The following CSMD2 variants were observed in gnomAD, a reference collection of about 807,000 sequenced individuals.
CSMD2 encodes CUB and sushi domain-containing protein 2.
Under a neutral mutation model 398.5 loss-of-function variants are expected in CSMD2, and 130 were observed. That is an observed-to-expected ratio of 0.33 (90% CI 0.28 to 0.38). The LOEUF is 0.38. CSMD2 is among the 10% of genes least tolerant of loss of function. The pLI, the probability that CSMD2 is intolerant of heterozygous loss-of-function variation, is 1.00. For synonymous variants in CSMD2, 1,828 were observed against 1,908.5 expected, an observed-to-expected ratio of 0.96 and a Z score of 1.10; for missense variants, 3,829 against 4,764.9, an observed-to-expected ratio of 0.80 and a Z score of 5.78.
chr1:34,136,265 A>T (rs913668995), intron 1 of CSMD2, among the ~76,000 whole-genome samples: 25 of 152,350 alleles, frequency 1.6e-4, no homozygotes, highest in Admixed American at 1.5e-3. Context: ...CCTCACATCC[A>T]TTAAACAAGG....
intron 2 of CSMD2, among the ~76,000 whole-genome samples, chr1:34,076,928 A>AAATATATAT (rs1232288848): frequency 6.2e-4 from 33 of 53,596 alleles, no homozygotes; most frequent in Non-Finnish European, 9.2e-4. Flanking sequence ...AAAAAAAAAA[A>AAATATATAT]ATATATATAT....
At position 33,607,581 on chromosome 1, in the gene CSMD2, G is replaced by A. The variant is rs142860047; in HGVS notation, c.6344-2111C>T. On this transcript the variant is annotated intron_variant, in intron 41 of 70. Coordinates refer to ENST00000373381, the MANE Select transcript of CSMD2 (RefSeq NM_001281956.2). The stretch of plus-strand genomic sequence containing the variant: ...ATTTGGGCCTATCACAAATGATGAG[G>A]CCTCTGTGGGAATACTTAGGCCTCT... Among the ~76,000 whole-genome samples the A allele has an allele frequency of 7.9e-5, 12 of 152,352 alleles. No homozygotes were observed. In the East Asian group the frequency reaches 2.3e-3, roughly 29 times the overall value.
intron 4 of CSMD2, among the ~76,000 whole-genome samples, chr1:33,930,735 G>C (rs1163555232): frequency 6.6e-6 from 1 of 152,158 alleles, no homozygotes; most frequent in African/African-American, 2.4e-5. Flanking sequence ...CACCTCCCAG[G>C]GACCTCTGCT....
At chr1:33,690,246 G>A (rs1210174451) in intron 25 of CSMD2, among the ~76,000 whole-genome samples, 1 of 152,148 alleles carries the variant, frequency 6.6e-6, no homozygotes, top group South Asian at 2.1e-4. Flanking sequence ...ACCATTTCCA[G>A]CTCCTTGAGG....
At chr1:33,723,296 AC>A (rs1196198304) in intron 19 of CSMD2, among the ~76,000 whole-genome samples, 4 of 152,376 alleles carry the variant, frequency 2.6e-5, no homozygotes, top group South Asian at 2.1e-4. Flanking sequence ...TGTTCTGAAA[AC>A]ATAGATGCCT....
At chr1:33,803,845 G>A (rs1179471332) in intron 10 of CSMD2, among the ~76,000 whole-genome samples, 1 of 152,192 alleles carries the variant, frequency 6.6e-6, no homozygotes, top group African/African-American at 2.4e-5. Context: ...TATTGCTTTA[G>A]TTCAGGAGAT....
In CSMD2 at chr1:33,925,456, A is replaced by G. The variant is rs371719505; in HGVS notation, c.713-7155T>C. 1.8e-4 allele frequency among the ~76,000 whole-genome samples: 27 copies of G among 152,274 alleles called. 1 individual carries two copies. Among genetic ancestry groups the G allele is most frequent in the Admixed American group, 1.1e-3 (17 of 15,298 alleles). On this transcript the variant is annotated intron_variant, in intron 4 of 70. Coordinates refer to ENST00000373381, the MANE Select transcript of CSMD2 (RefSeq NM_001281956.2). Reference sequence around the variant, plus strand: ...GTTTTGGTTATTATAGCCTTGTAATATATTTTGAAGCCAGGTAGAATGATG... The same window carrying G: ...GTTTTGGTTATTATAGCCTTGTAATGTATTTTGAAGCCAGGTAGAATGATG...
intron 3 of CSMD2, among the ~76,000 whole-genome samples, chr1:33,948,464 T>C (rs1570598245): frequency 6.6e-6 from 1 of 152,178 alleles, no homozygotes; most frequent in African/African-American, 2.4e-5. Flanking sequence ...CATGCACACA[T>C]GTACATTCTC....
intron 10 of CSMD2, among the ~76,000 whole-genome samples, chr1:33,799,440 G>C (rs958220979): frequency 2.2e-4 from 33 of 152,170 alleles, no homozygotes; most frequent in African/African-American, 7.7e-4. Context: ...AACCAAAACA[G>C]CTCCATTTTG....
intron 13 of CSMD2, among the ~76,000 whole-genome samples, chr1:33,758,255 C>A (rs1176042199): frequency 6.6e-6 from 1 of 152,174 alleles, no homozygotes; most frequent in Non-Finnish European, 1.5e-5. Context: ...AATGTTCGCT[C>A]CTCCCCCACT....
intron 3 of CSMD2, among the ~76,000 whole-genome samples, chr1:33,990,407 AAC>A (rs1367647209): frequency 6.6e-6 from 1 of 152,186 alleles, no homozygotes; most frequent in Non-Finnish European, 1.5e-5. Flanking sequence ...GAACCAATTA[AAC>A]AGTTATTTAA....
chr1:33,846,540 T>C (rs1309639793), intron 6 of CSMD2, among the ~76,000 whole-genome samples: 1 of 152,186 alleles, frequency 6.6e-6, no homozygotes, highest in East Asian at 1.9e-4. Flanking sequence ...GATGACCGTG[T>C]TTCCTTTGCA....
intron 3 of CSMD2, among the ~76,000 whole-genome samples, chr1:33,936,438 C>T (rs1427883238): frequency 6.6e-6 from 1 of 152,210 alleles, no homozygotes; most frequent in African/African-American, 2.4e-5. Flanking sequence ...CAGAGGGGCA[C>T]TTTGGCCCCG....
At chr1:33,984,398 A>G (rs1241887661) in intron 3 of CSMD2, among the ~76,000 whole-genome samples, 1 of 152,204 alleles carries the variant, frequency 6.6e-6, no homozygotes, top group African/African-American at 2.4e-5. Context: ...ACAAGCTCTC[A>G]GGGGGTGCCC....
At chr1:34,130,678 G>A (rs1307152957) in intron 1 of CSMD2, among the ~76,000 whole-genome samples, 2 of 152,124 alleles carry the variant, frequency 1.3e-5, no homozygotes. Flanking sequence ...CCCAGGGAGA[G>A]ACAGAGAAGG....
At chr1:34,127,080 G>C (rs1662820935) in intron 1 of CSMD2, among the ~76,000 whole-genome samples, 1 of 152,084 alleles carries the variant, frequency 6.6e-6, no homozygotes. Context: ...AGGCAGACAG[G>C]AACAGAGAGA....
At position 33,583,154 on chromosome 1, in the gene CSMD2, T is replaced by C. The variant is rs1296992915; in HGVS notation, c.7240+488A>G. 2.0e-5 allele frequency among the ~76,000 whole-genome samples: 3 copies of C among 152,222 alleles called. No individual in the cohort carries two copies. The East Asian group carries it at 5.8e-4, about 29-fold the overall frequency. On this transcript the variant is annotated intron_variant, in intron 47 of 70. Coordinates refer to ENST00000373381, the MANE Select transcript of CSMD2 (RefSeq NM_001281956.2). ...GCTTTGGCAAGATGACTTTTCAAGA[T>C]GCATGTGCTCCAGAGGGTAAGAGGT...
In CSMD2 at chr1:34,163,479, G is replaced by A. The variant is rs1641552680; in HGVS notation, c.187+1432C>T. On this transcript the variant is annotated intron_variant, in intron 1 of 70. Coordinates refer to ENST00000373381, the MANE Select transcript of CSMD2 (RefSeq NM_001281956.2). This position sits in a 1 kb window ranked among gnomAD's most constrained non-coding sequence, Gnocchi z 5.4. ...GAACCCCAACATGCCGCGGTTAAGC[G>A]GTGGGCGACACGGTCTGCGAGGACA... is the stretch of plus-strand genomic sequence containing the variant. Among the ~76,000 whole-genome samples, 1 of 152,262 alleles carries A rather than the reference G, an allele frequency of 6.6e-6. No individual in the cohort carries two copies.
chr1:33,663,575 G>A (rs1249646568), intron 25 of CSMD2, among the ~76,000 whole-genome samples: 3 of 152,158 alleles, frequency 2.0e-5, no homozygotes, highest in Non-Finnish European at 4.4e-5. Flanking sequence ...GTGCAGGTAG[G>A]GGTGACCTCA....
Sources: allele counts gnomAD v4.1 joint callset (sites outside exome capture counted in the v4.1 genomes callset), GRCh38; gene constraint gnomAD v4.1.1; non-coding constraint Gnocchi (gnomAD v3.1); transcripts MANE v1.5; gene names NCBI Gene and HGNC (gene_info 2026-07-23, HGNC 2026-07-21).